MACF1: variants seen among roughly 807,000 people sequenced by gnomAD.
The protein encoded by MACF1 is microtubule actin crosslinking factor 1, also known as microtubule-actin cross-linking factor 1.
In MACF1, 193 loss-of-function variants were observed where a neutral mutation model predicts 854.8. The observed-to-expected ratio is 0.23, with a 90% CI of 0.20 to 0.25. The LOEUF (loss-of-function observed/expected upper bound fraction) is 0.25. MACF1 is among the 10% of genes least tolerant of loss of function. MACF1 has a pLI of 1.00. For missense variants in MACF1, 7,722 were observed against 8,929.1 expected, an observed-to-expected ratio of 0.86 and a Z score of 5.45; for synonymous variants, 3,185 against 3,226.7, an observed-to-expected ratio of 0.99 and a Z score of 0.44.
At position 39,479,779 on chromosome 1, in the gene MACF1, G is replaced by A. The variant is rs1408597959; in HGVS notation, c.21959-19G>A. 4 of 1,603,436 alleles carry A rather than the reference G, an allele frequency of 2.5e-6. No homozygotes were observed. Among genetic ancestry groups the A allele is most frequent in the Non-Finnish European group, 3.4e-6 (4 of 1,170,320 alleles). ...TTTTAGAAGAACTGACATTGTGTGT[G>A]TGTTTATTTCCTTTTTAGCACGAGG... is the stretch of plus-strand genomic sequence containing the variant. On this transcript the variant is annotated intron_variant, in intron 97 of 100. Transcript: ENST00000564288.
At position 39,340,599 on chromosome 1, in the gene MACF1, C is replaced by A; in HGVS notation, c.10313C>A (p.Ala3438Asp). ...ATCAGCCAGCCTCAAGAAGTTCCTG[C>A]TCAACTGTTGAAGGCTCTAGAGAAA... is the stretch of plus-strand genomic sequence containing the variant. ...IIISQPQEVP[A>D]QLLKALEKDA... Residue 3438 changes from alanine to aspartate, a missense_variant, in exon 39 of 101, where the codon GCT (alanine) becomes GAT (aspartate). Around this residue, in one of 15 missense-constraint regions of MACF1, gnomAD observed 854 missense variants for 852.6 expected, o/e 1.00. Coordinates refer to ENST00000564288, the MANE Select transcript of MACF1 (RefSeq NM_001394062.1). 6.2e-7 allele frequency: 1 copy of A among 1,614,174 alleles called. No homozygotes were observed.
intron 80 of MACF1, among the ~76,000 whole-genome samples, chr1:39,445,402 A>G (rs373076568): frequency 6.6e-6 from 1 of 152,234 alleles, no homozygotes; most frequent in East Asian, 1.9e-4. Context: ...TTTGCTGCTC[A>G]GATCAAGTAT....
At chr1:39,284,237 C>A in intron 10 of MACF1, 52 bp downstream of exon 10, 1 of 1,597,906 alleles carries the variant, frequency 6.3e-7, no homozygotes, top group South Asian at 1.1e-5. Flanking sequence ...GGGAGTAAGT[C>A]TCCAAGCTTA....
chr1:39,462,453 C>CT (rs1644573110), intron 93 of MACF1, among the ~76,000 whole-genome samples: 2 of 151,898 alleles, frequency 1.3e-5, no homozygotes, highest in African/African-American at 4.8e-5. Flanking sequence ...ATCTGTAGCT[C>CT]TAGCACTTTG....
chr1:39,332,399 A>G lies in MACF1; in HGVS notation c.5811A>G (p.Gln1937=). The change falls in exon 37 of 101, where the codon CAA becomes CAG. Residue 1937 remains glutamine (Q), a synonymous_variant. Transcript: ENST00000564288. ...TGCAACTAGCAGACTCTGCAGAACA[A>G]AATATTAATCCTGGAGCAGCAGTTC... The part of the protein sequence containing the change: ...PHMQLADSAE[Q]NINPGAAVLP... 6.2e-7 allele frequency: 1 copy of G among 1,614,070 alleles called. No individual in the cohort carries two copies. The highest frequency in any genetic ancestry group is 1.7e-5 in the Admixed American group (1 of 60,010).
intron 66 of MACF1, 53 bp from the exon 67 acceptor site, chr1:39,432,482 G>A (rs1242335730): frequency 1.2e-5 from 19 of 1,577,230 alleles, no homozygotes; most frequent in Non-Finnish European, 1.4e-5. Context: ...TTGCAGTTAT[G>A]TGGAGACTTG....
At chr1:39,264,074 G>A (rs1190441816) in intron 6 of MACF1, among the ~76,000 whole-genome samples, 1 of 151,986 alleles carries the variant, frequency 6.6e-6, no homozygotes, top group Non-Finnish European at 1.5e-5. Flanking sequence ...TGCCCAGCAT[G>A]ATTTGTTCAT....
intron 2 of MACF1, among the ~76,000 whole-genome samples, chr1:39,245,433 G>A (rs998559341): frequency 1.3e-5 from 2 of 152,028 alleles, no homozygotes; most frequent in Non-Finnish European, 1.5e-5. Flanking sequence ...GGCATGTGCC[G>A]CCATGCACAA....
chr1:39,481,608 G>C (rs1240090150), intron 99 of MACF1, among the ~76,000 whole-genome samples: 1 of 152,246 alleles, frequency 6.6e-6, no homozygotes, highest in African/African-American at 2.4e-5. Flanking sequence ...CTAGGCACTT[G>C]AGTTTCTGTA....
At chr1:39,372,374 T>C in intron 51 of MACF1, 105 bp from the exon 52 acceptor site, 3 of 647,354 alleles carry the variant, frequency 4.6e-6, no homozygotes, top group Non-Finnish European at 8.3e-6. Context: ...AAGGATGGTC[T>C]CTTAATGCTT....
At chr1:39,471,755 C>G (rs1255483136) in intron 97 of MACF1, among the ~76,000 whole-genome samples, 1 of 152,026 alleles carries the variant, frequency 6.6e-6, no homozygotes, top group African/African-American at 2.4e-5. Context: ...TTAGCTCCCC[C>G]AGATAAGTGA....
chr1:39,410,294 G>A (rs1642928854), intron 58 of MACF1: 2 of 1,609,712 alleles, frequency 1.2e-6, no homozygotes, highest in South Asian at 1.1e-5. Flanking sequence ...AGACCAGACT[G>A]TTTAAGGCGG....
Position 39,105,607 on chromosome 1 carries a change from A to C in MACF1, c.220+21169A>C. On this transcript the variant is annotated intron_variant, in intron 2 of 93. Coordinates refer to the MACF1 transcript ENST00000361689. The surrounding 1 kb of genome is among the most constrained non-coding windows in gnomAD (Gnocchi z 5.9). ...CGGCAGCCCCCGGGGCTCGGCGAGA[A>C]GGCGGTGCGGGCGGCCATGGCCGGC... The C allele has an allele frequency of 8.2e-7, 1 of 1,217,146 alleles. No homozygotes were observed. Among genetic ancestry groups the C allele is most frequent in the Non-Finnish European group, 1.0e-6 (1 of 952,462 alleles). 75.4% of individuals were successfully genotyped at this position (1,217,146 alleles called of 1,614,324 possible).
intron 70 of MACF1, among the ~76,000 whole-genome samples, chr1:39,436,247 A>G (rs945661199): frequency 2.6e-5 from 4 of 152,224 alleles, no homozygotes; most frequent in Non-Finnish European, 5.9e-5. Flanking sequence ...GTAACTACAT[A>G]CTTTCAACTA....
chr1:39,176,775 G>A (rs1644035078), intron 2 of MACF1, among the ~76,000 whole-genome samples: 1 of 152,310 alleles, frequency 6.6e-6, no homozygotes, highest in Middle Eastern at 3.4e-3. Context: ...AAGGATACTT[G>A]GGCCAAGTGA....
intron 2 of MACF1, among the ~76,000 whole-genome samples, chr1:39,092,562 A>G (rs866265502): frequency 1.3e-5 from 2 of 152,340 alleles, no homozygotes; most frequent in East Asian, 3.9e-4. Flanking sequence ...CAACATGTAC[A>G]ATATGCCCTT....
chr1:39,345,592 C>G (rs1355447416), intron 40 of MACF1, among the ~76,000 whole-genome samples: 1 of 152,166 alleles, frequency 6.6e-6, no homozygotes, highest in East Asian at 1.9e-4. Flanking sequence ...GCCTGGGTGA[C>G]AGAGCAAGAT....
At chr1:39,467,223 G>A (rs1487141777) in intron 95 of MACF1, among the ~76,000 whole-genome samples, 2 of 152,006 alleles carry the variant, frequency 1.3e-5, no homozygotes, top group African/African-American at 2.4e-5. Context: ...AAAATTAGCC[G>A]GCCTGGTGGC....
intron 2 of MACF1, among the ~76,000 whole-genome samples, chr1:39,130,163 C>A (rs908458994): frequency 6.6e-6 from 1 of 152,212 alleles, no homozygotes; most frequent in Non-Finnish European, 1.5e-5. Flanking sequence ...TTTTCCCCCC[C>A]ATTCATGGGG....
Sources: gnomAD v4.1 joint callset for allele counts (sites outside exome capture counted in the v4.1 genomes callset) on GRCh38, gnomAD v4.1.1 for gene constraint, gnomAD v4.1.1 regional missense constraint, Gnocchi (gnomAD v3.1) non-coding constraint, MANE v1.5 for transcripts, NCBI Gene and HGNC (gene_info 2026-07-23, HGNC 2026-07-21) for gene names.